Variants in HABP4 observed in about 807,000 individuals in gnomAD.
HABP4 encodes the protein intracellular hyaluronan-binding protein 4.
HABP4 carries 32 observed loss-of-function variants against 44.1 expected under a neutral mutation model. The observed-to-expected ratio is 0.73, with a 90% CI of 0.55 to 0.97. HABP4 has a LOEUF of 0.97. Ranked by LOEUF, HABP4 falls within the 50% of genes least tolerant of loss-of-function variation. The probability of loss-of-function intolerance (pLI) is 0.00; values close to 1 mark genes in which losing one functional copy is unlikely to be tolerated. For missense variants in HABP4, 503 were observed against 561.9 expected (o/e 0.90, Z 1.06); for synonymous variants, 216 against 218.0 (o/e 0.99, Z 0.08).
intron 5 of HABP4, among the ~76,000 whole-genome samples, chr9:96,482,404 A>G (rs1446650966): frequency 6.6e-6 from 1 of 152,180 alleles, no homozygotes; most frequent in Admixed American, 6.5e-5. Flanking sequence ...CACCTGGCTT[A>G]TTTTAACTAT....
chr9:96,450,409 G>T lies in HABP4; in HGVS notation c.130G>T (p.Glu44Ter). 2.0e-6 allele frequency: 2 copies of T among 1,023,872 alleles called. No homozygotes were observed. The highest frequency in any genetic ancestry group is 1.3e-6 in the Non-Finnish European group (1 of 779,816). 63.4% of individuals were successfully genotyped at this position (1,023,872 alleles called of 1,614,324 possible). ...GTCGGACCCGTTCGACATCCTGCGC[G>T]AGGCCGAGCGCCGGCGCCAGCAGCA... is the stretch of plus-strand genomic sequence containing the variant. ...DESDPFDILREAERRRQQQLQ... is the reference protein window; with the variant it reads ...DESDPFDILR Residue 44 changes from glutamate to a stop codon, truncating the protein, a stop_gained, in exon 1 of 8, where the codon GAG (glutamate) becomes TAG (stop). Coordinates refer to ENST00000375249, the MANE Select transcript of HABP4 (RefSeq NM_014282.4). LOFTEE classifies it high-confidence loss of function. The surrounding 1 kb of genome is among the most constrained non-coding windows in gnomAD (Gnocchi z 4.8).
intron 5 of HABP4, among the ~76,000 whole-genome samples, chr9:96,479,996 C>G (rs1832848437): frequency 6.6e-6 from 1 of 151,868 alleles, no homozygotes; most frequent in Admixed American, 6.6e-5. Flanking sequence ...GAGACCCTCC[C>G]CCACCCAGTC....
intron 1 of HABP4, among the ~76,000 whole-genome samples, chr9:96,452,072 A>C (rs1429436982): frequency 6.6e-6 from 1 of 152,024 alleles, no homozygotes; most frequent in Non-Finnish European, 1.5e-5. Flanking sequence ...TTACAAATAC[A>C]AAAAATTAGT....
At chr9:96,455,459 A>C (rs1415018565) in intron 1 of HABP4, among the ~76,000 whole-genome samples, 5 of 128,124 alleles carry the variant, frequency 3.9e-5, no homozygotes, top group African/African-American at 1.7e-4. Flanking sequence ...GACTGTCTCA[A>C]AAAAAAAAAA....
intron 1 of HABP4, among the ~76,000 whole-genome samples, chr9:96,451,654 G>C (rs1036727145): frequency 1.2e-4 from 19 of 152,160 alleles, no homozygotes; most frequent in African/African-American, 4.3e-4. Flanking sequence ...GTGCAGCTGG[G>C]TAATGTTTAC....
intron 1 of HABP4, among the ~76,000 whole-genome samples, chr9:96,456,776 AAAAAATATATAT>A (rs1396740045): frequency 7.8e-4 from 50 of 64,416 alleles, no homozygotes; most frequent in East Asian, 1.9e-3. Flanking sequence ...AAAAAAAAAA[AAAAAATATATAT>A]ATATATATAT....
intron 5 of HABP4, among the ~76,000 whole-genome samples, chr9:96,478,731 G>A (rs541937706): frequency 2.0e-5 from 3 of 150,890 alleles, no homozygotes; most frequent in African/African-American, 7.3e-5. Flanking sequence ...TGTGATCATA[G>A]CTTACTGTAA....
In HABP4 at chr9:96,450,612, C is replaced by T. The variant is rs1327722119; in HGVS notation, c.333C>T (p.Gly111=). Residue 111 remains glycine (G), a synonymous_variant, in exon 1 of 8, where the codon GGC becomes GGT. Coordinates refer to ENST00000375249, the MANE Select transcript of HABP4 (RefSeq NM_014282.4). This position sits in a 1 kb window ranked among gnomAD's most constrained non-coding sequence, Gnocchi z 4.8. ...PVAQRPDSPG[G]GLQAPGQKRT... Reference sequence around the variant, plus strand: ...CTCAGCGGCCCGATAGCCCCGGGGGCGGCCTGCAGGCGCCGGGTACGCGGG... The same window carrying T: ...CTCAGCGGCCCGATAGCCCCGGGGGTGGCCTGCAGGCGCCGGGTACGCGGG... 3.9e-6 allele frequency: 5 copies of T among 1,267,876 alleles called. No individual in the cohort carries two copies. The East Asian group carries it at 1.6e-4, about 40-fold the overall frequency. The allele number at this position is 1,267,876 out of a possible 1,614,324, so 78.5% of individuals were successfully genotyped here. A position where few individuals can be genotyped will look rare whatever the true frequency, so the allele number is the denominator to read the frequency against.
chr9:96,462,303 T>C (rs931885768), intron 2 of HABP4, among the ~76,000 whole-genome samples: 1 of 148,812 alleles, frequency 6.7e-6, no homozygotes, highest in African/African-American at 2.5e-5. Context: ...AATACAAAAT[T>C]AGCCGGATGT....
intron 7 of HABP4, among the ~76,000 whole-genome samples, chr9:96,489,473 A>C (rs1833041192): frequency 7.1e-6 from 1 of 140,454 alleles, no homozygotes; most frequent in African/African-American, 2.7e-5. Flanking sequence ...CCCTTTGCTC[A>C]TCCATTGAGG....
chr9:96,459,910 T>G (rs1368636041), intron 2 of HABP4, among the ~76,000 whole-genome samples: 1 of 152,200 alleles, frequency 6.6e-6, no homozygotes, highest in Non-Finnish European at 1.5e-5. Context: ...GCCTTAATTT[T>G]GCACCTTTTT....
chr9:96,475,390 C>CAAAAAAAAAAAAAA (rs61553823), intron 5 of HABP4, among the ~76,000 whole-genome samples: 6 of 94,142 alleles, frequency 6.4e-5, no homozygotes, highest in African/African-American at 2.4e-4. Flanking sequence ...ACAACAACAA[C>CAAAAAAAAAAAAAA]AAAAAAAAAA....
At chr9:96,483,390 T>C (rs897746543) in intron 5 of HABP4, 4 of 151,612 alleles carry the variant, frequency 2.6e-5, no homozygotes, top group African/African-American at 9.7e-5. Flanking sequence ...TTTTTTTTTT[T>C]AAAGAGACAG....
At chr9:96,478,573 T>C (rs1159928271) in intron 5 of HABP4, among the ~76,000 whole-genome samples, 1 of 152,184 alleles carries the variant, frequency 6.6e-6, no homozygotes, top group Non-Finnish European at 1.5e-5. Context: ...CCAACATCCT[T>C]GCTAGAACTT....
rs200830289 is a variant in HABP4 at position 96,485,751 on chromosome 9, C to G, written c.999+1118C>G. 2.6e-5 allele frequency among the ~76,000 whole-genome samples: 4 copies of G among 152,204 alleles called. No homozygotes were observed. The East Asian group carries it at 5.8e-4, about 22-fold the overall frequency. ...GGATTTAGAATCTGTATCATTCCATCTACAGCTTGATACCAGTCACTATTT... is the reference window on the plus strand; with the variant it reads ...GGATTTAGAATCTGTATCATTCCATGTACAGCTTGATACCAGTCACTATTT... On this transcript the variant is annotated intron_variant, in intron 6 of 7. Transcript: ENST00000375249.
At chr9:96,466,984 G>A (rs1385614642) in intron 4 of HABP4, among the ~76,000 whole-genome samples, 8 of 149,682 alleles carry the variant, frequency 5.3e-5, no homozygotes, top group East Asian at 2.0e-4. Context: ...GTGCAATGGC[G>A]CGATCTCGGC....
At chr9:96,477,310 G>C (rs921342894) in intron 5 of HABP4, among the ~76,000 whole-genome samples, 4 of 152,070 alleles carry the variant, frequency 2.6e-5, no homozygotes, top group Non-Finnish European at 5.9e-5. Context: ...TTTATTTTTA[G>C]CTGTGTATTA....
At chr9:96,468,986 A>G (rs1381193348) in intron 4 of HABP4, among the ~76,000 whole-genome samples, 2 of 152,204 alleles carry the variant, frequency 1.3e-5, no homozygotes, top group East Asian at 3.8e-4. Context: ...CCAGTGTATT[A>G]AAGGTGTAAG....
rs778261333 is a variant in HABP4, at chr9:96,490,061, G to A, written c.*23G>A. The stretch of plus-strand genomic sequence containing the variant: ...TGAAAGAGCCCTGTTTCCCAGCACC[G>A]CGGAGCTGCACTGCACACCTGTGGG... On this transcript the variant is annotated 3_prime_UTR_variant, in exon 8 of 8. Transcript: ENST00000375249. 1.1e-5 allele frequency: 16 copies of A among 1,499,870 alleles called. No homozygotes were observed. Among genetic ancestry groups the A allele is most frequent in the South Asian group, 4.5e-5 (4 of 88,840 alleles). The allele number at this position is 1,499,870 out of a possible 1,614,324, so 92.9% of individuals were successfully genotyped here.
Sources: allele counts gnomAD v4.1 joint callset (sites outside exome capture counted in the v4.1 genomes callset), GRCh38; gene constraint gnomAD v4.1.1; non-coding constraint Gnocchi (gnomAD v3.1); transcripts MANE v1.5; gene names NCBI Gene and HGNC (gene_info 2026-07-23, HGNC 2026-07-21).